The following KMT2C variants were observed in gnomAD, a reference collection of about 807,000 sequenced individuals.
The protein encoded by KMT2C is lysine methyltransferase 2C.
In KMT2C, 88 loss-of-function variants were observed where a neutral mutation model predicts 507.9. The observed-to-expected ratio is 0.17, with a 90% CI of 0.15 to 0.21. The LOEUF (loss-of-function observed/expected upper bound fraction) is 0.21, where lower values mean the gene tolerates loss of function less well. KMT2C is among the 10% of genes least tolerant of loss of function. KMT2C has a pLI of 1.00. For missense variants in KMT2C, 4,954 were observed against 5,957.8 expected (o/e 0.83, Z 5.55); for synonymous variants, 2,049 against 2,080.8 (o/e 0.98, Z 0.42).
At position 152,176,729 on chromosome 7, in the gene KMT2C, A is replaced by G. The variant is rs779853645; in HGVS notation, c.8724T>C (p.Ser2908=). The change falls in exon 38 of 59, where the codon TCT becomes TCC. Residue 2908 remains serine, a synonymous_variant. Coordinates refer to ENST00000262189, the MANE Select transcript of KMT2C (RefSeq NM_170606.3). ...CTGGAGTTGATCCAGTTATGCCACAAGAGTTTATTACATCTTGAGCAGGTA... is the reference window on the plus strand; with the variant it reads ...CTGGAGTTGATCCAGTTATGCCACAGGAGTTTATTACATCTTGAGCAGGTA... ...TQLPAQDVIN[S]CGITGSTPVL... The G allele has an allele frequency of 4.3e-6, 7 of 1,614,104 alleles. No individual in the cohort carries two copies. Among genetic ancestry groups the G allele is most frequent in the Middle Eastern group, 1.6e-4 (1 of 6,084 alleles).
rs189904817 is a variant in KMT2C at position 152,258,746 on chromosome 7, G to A, written c.1299+4270C>T. On this transcript the variant is annotated intron_variant, in intron 9 of 58. Coordinates refer to ENST00000262189, the MANE Select transcript of KMT2C (RefSeq NM_170606.3). Reference sequence around the variant, plus strand: ...TCACCATGTTGGCCAGGCTGATCTCGAACTCCTGACCTCAACTGATCCACC... The same window carrying A: ...TCACCATGTTGGCCAGGCTGATCTCAAACTCCTGACCTCAACTGATCCACC... Among the ~76,000 whole-genome samples the A allele has an allele frequency of 7.6e-3, 1,155 of 152,180 alleles. 5 individuals carry two copies. Among genetic ancestry groups the A allele is most frequent in the Middle Eastern group, 0.01 (3 of 294 alleles).
chr7:152,232,162 A>T (rs2095138367), intron 16 of KMT2C, among the ~76,000 whole-genome samples: 1 of 152,184 alleles, frequency 6.6e-6, no homozygotes, highest in Admixed American at 6.5e-5. Context: ...TACAGGCATG[A>T]GCCACCGCAC....
intron 2 of KMT2C, among the ~76,000 whole-genome samples, chr7:152,357,155 G>T (rs542579793): frequency 6.8e-6 from 1 of 147,818 alleles, no homozygotes; most frequent in African/African-American, 2.5e-5. Flanking sequence ...TGAGCCCGGC[G>T]GGTGGAGGTT....
At chr7:152,367,189 C>G (rs745875095) in intron 1 of KMT2C, 7 of 1,491,184 alleles carry the variant, frequency 4.7e-6, no homozygotes, top group Non-Finnish European at 6.4e-6. Flanking sequence ...CCACTCAGAG[C>G]TGAGGAAGCT....
intron 7 of KMT2C, among the ~76,000 whole-genome samples, chr7:152,269,904 A>C (rs1184532725): frequency 6.6e-6 from 1 of 152,246 alleles, no homozygotes; most frequent in Non-Finnish European, 1.5e-5. Context: ...TAAAAAAGAC[A>C]AAAACATTGA....
At chr7:152,223,100 G>A (rs1158054406) in intron 20 of KMT2C, among the ~76,000 whole-genome samples, 5 of 152,106 alleles carry the variant, frequency 3.3e-5, no homozygotes, top group South Asian at 2.1e-4. Context: ...AATGGTAATC[G>A]GGAAATTAAG....
At chr7:152,160,117 T>A (rs918603905) in intron 43 of KMT2C, among the ~76,000 whole-genome samples, 1 of 152,244 alleles carries the variant, frequency 6.6e-6, no homozygotes, top group African/African-American at 2.4e-5. Flanking sequence ...CGGACAAATT[T>A]GAATTTTGTA....
At chr7:152,271,238 AT>A (rs2095961266) in intron 7 of KMT2C, among the ~76,000 whole-genome samples, 2 of 152,222 alleles carry the variant, frequency 1.3e-5, no homozygotes, top group African/African-American at 4.8e-5. Context: ...ATAGGAAAAA[AT>A]ATTTATAAAA....
At position 152,252,586 on chromosome 7, in the gene KMT2C, C is replaced by G. The variant is rs2095579076; in HGVS notation, c.1429G>C (p.Glu477Gln). The change falls in exon 10 of 59, where the codon GAA (glutamate) becomes CAA (glutamine). Residue 477 changes from glutamate (E) to glutamine (Q), a missense_variant. Glu to Gln is a conservative substitution (Grantham distance 29). This residue lies in a region of KMT2C where 376 missense variants were observed against 352.4 expected (regional missense o/e 1.07). Transcript: ENST00000262189. ...CPFCGKCYHP[E>Q]LQKDMLHCNM... ...CAATGAAGCATGTCTTTCTGCAATTCTGGATGATAACACTTCCCACAGAAG... is the reference window on the plus strand; with the variant it reads ...CAATGAAGCATGTCTTTCTGCAATTGTGGATGATAACACTTCCCACAGAAG... 7 of 1,613,478 alleles carry G rather than the reference C, an allele frequency of 4.3e-6. No individual in the cohort carries two copies. Among genetic ancestry groups the G allele is most frequent in the Non-Finnish European group, 5.9e-6 (7 of 1,179,728 alleles).
intron 16 of KMT2C, among the ~76,000 whole-genome samples, chr7:152,231,653 C>G (rs62481506): frequency 7.8e-6 from 1 of 127,896 alleles, no homozygotes. Context: ...TGGTGGCACA[C>G]GCCTGTAGTC....
chr7:152,178,447 A>G (rs1293561812), intron 37 of KMT2C, among the ~76,000 whole-genome samples: 1 of 152,218 alleles, frequency 6.6e-6, no homozygotes, highest in Non-Finnish European at 1.5e-5. Flanking sequence ...AGGGACTTAC[A>G]GGCCTCAGTA....
At chr7:152,280,427 T>C (rs1262403198) in intron 6 of KMT2C, among the ~76,000 whole-genome samples, 1 of 151,902 alleles carries the variant, frequency 6.6e-6, no homozygotes, top group East Asian at 1.9e-4. Context: ...GGCGCACGCC[T>C]GTAATCCCGG....
intron 6 of KMT2C, among the ~76,000 whole-genome samples, chr7:152,287,000 A>G (rs2096310929): frequency 6.6e-6 from 1 of 152,216 alleles, no homozygotes; most frequent in South Asian, 2.1e-4. Context: ...ACCTTTTGCA[A>G]AGACTTAAAA....
Position 152,136,381 on chromosome 7 carries a change from GC to G in KMT2C, c.*450del. On this transcript the variant is annotated 3_prime_UTR_variant, in exon 59 of 59. Coordinates refer to ENST00000262189, the MANE Select transcript of KMT2C (RefSeq NM_170606.3). ...CCTGCCCCTTTTTAATAAGGCCGTG[GC>G]CAGCACTCTCTGTCCCCCTCGCTGG... The G allele has an allele frequency of 4.4e-6, 1 of 228,924 alleles. No individual in the cohort carries two copies. Among genetic ancestry groups the G allele is most frequent in the East Asian group, 6.5e-5 (1 of 15,436 alleles). 14.2% of individuals were successfully genotyped at this position (228,924 alleles called of 1,614,324 possible).
At chr7:152,419,814 C>T (rs1481229964) in intron 1 of KMT2C, among the ~76,000 whole-genome samples, 1 of 152,200 alleles carries the variant, frequency 6.6e-6, no homozygotes, top group African/African-American at 2.4e-5. Context: ...TGATTCAACC[C>T]CATGTGATCA....
intron 9 of KMT2C, among the ~76,000 whole-genome samples, chr7:152,255,157 A>ATATATATATATATATATATATG (rs767823858): frequency 1.6e-5 from 2 of 128,376 alleles, no homozygotes; most frequent in Non-Finnish European, 1.6e-5. Context: ...ATATATATAT[A>ATATATATATATATATATATATG]TGTGTGTGTG....
intron 39 of KMT2C, 26 bp downstream of exon 39, chr7:152,174,105 T>C (rs765630572): frequency 8.2e-7 from 1 of 1,225,614 alleles, no homozygotes; most frequent in Non-Finnish European, 1.2e-6. Flanking sequence ...AGATGCCCAG[T>C]AGAAACAAGC....
chr7:152,334,262 C>A (rs562592885), intron 2 of KMT2C, among the ~76,000 whole-genome samples: 35 of 152,200 alleles, frequency 2.3e-4, no homozygotes, highest in African/African-American at 8.4e-4. Context: ...TCGAGACCAG[C>A]CTCAACATGG....
chr7:152,319,999 C>CG (rs1429467105), intron 3 of KMT2C, among the ~76,000 whole-genome samples: 1 of 152,048 alleles, frequency 6.6e-6, no homozygotes, highest in African/African-American at 2.4e-5. Context: ...GGGCCACTAC[C>CG]GGTCTCCGCG....
Sources: allele counts gnomAD v4.1 joint callset (sites outside exome capture counted in the v4.1 genomes callset), GRCh38; gene constraint gnomAD v4.1.1; regional missense constraint gnomAD v4.1.1; transcripts MANE v1.5; gene names NCBI Gene and HGNC (gene_info 2026-07-23, HGNC 2026-07-21).